The following TEAD2 variants were observed in gnomAD, a reference collection of about 807,000 sequenced individuals.
The protein encoded by TEAD2 is TEA domain transcription factor 2, also known as transcriptional enhancer factor TEF-4.
In TEAD2, 51 loss-of-function variants were observed where a neutral mutation model predicts 61.4. The observed-to-expected ratio is 0.83, with a 90% CI of 0.66 to 1.05. The LOEUF (loss-of-function observed/expected upper bound fraction) is 1.05. Among genes scored for constraint, TEAD2 ranks in the 50% least tolerant of loss-of-function variants. The pLI is 0.00. For missense variants in TEAD2, 509 were observed against 600.0 expected (o/e 0.85, Z 1.58); for synonymous variants, 244 against 243.2 (o/e 1.00, Z -0.03).
chr19:49,348,674 C>T, intron 9 of TEAD2, 29 bp downstream of exon 9: 2 of 1,599,676 alleles, frequency 1.3e-6, no homozygotes, highest in Non-Finnish European at 1.7e-6. Context: ...TTCAAAATCC[C>T]TCAGCGACTG....
intron 1 of TEAD2, among the ~76,000 whole-genome samples, chr19:49,360,762 CAGAGACCCAGAGAGGGGAT>C (rs766087196): frequency 0.017 from 1,204 of 70,198 alleles, 31 homozygotes; most frequent in Non-Finnish European, 0.024. Context: ...GGGAGGGGGA[CAGAGACCCAGAGAGGGGAT>C]GGGGACAGAG....
At chr19:49,346,648 A>G (rs1568562793) in intron 10 of TEAD2, among the ~76,000 whole-genome samples, 2 of 152,136 alleles carry the variant, frequency 1.3e-5, no homozygotes, top group African/African-American at 4.8e-5. Context: ...CAGTGAGACT[A>G]TGTCTCAAAA....
chr19:49,354,231 C>T (rs1001201757), intron 7 of TEAD2, among the ~76,000 whole-genome samples: 19 of 151,036 alleles, frequency 1.3e-4, no homozygotes, highest in African/African-American at 2.4e-4. Flanking sequence ...TAGCCCGCCA[C>T]GGTGGCTCAC....
intron 10 of TEAD2, among the ~76,000 whole-genome samples, chr19:49,346,689 G>A (rs1373114687): frequency 6.6e-6 from 1 of 152,046 alleles, no homozygotes; most frequent in Non-Finnish European, 1.5e-5. Context: ...ATGAATACAG[G>A]ACTTGGCAAA....
chr19:49,347,403 C>T (rs1447826058), intron 9 of TEAD2, 40 bp from the exon 10 acceptor site: 2 of 1,592,266 alleles, frequency 1.3e-6, no homozygotes, highest in Non-Finnish European at 1.7e-6. Context: ...CGGAGGTGAG[C>T]TGGATCTCCA....
chr19:49,358,672 C>T (rs370605087), intron 3 of TEAD2, among the ~76,000 whole-genome samples: 24 of 148,852 alleles, frequency 1.6e-4, no homozygotes, highest in Admixed American at 1.1e-3. Context: ...CTGGCTCTGT[C>T]ACCAGGCTGG....
Position 49,359,852 on chromosome 19 carries a change from T to C in TEAD2, c.224A>G (p.Lys75Arg), listed in dbSNP as rs1004682724. The change falls in exon 2 of 13, where the codon AAG (lysine) becomes AGG (arginine). Residue 75 changes from lysine (K) to arginine (R), a missense_variant. By Grantham distance (26) the Lys-to-Arg change is conservative. Coordinates refer to ENST00000593945, the MANE Select transcript of TEAD2 (RefSeq NM_001256660.2). The surrounding 1 kb of genome is among the most constrained non-coding windows in gnomAD (Gnocchi z 4.1). The part of the protein sequence containing the change: ...RRKIILSDEG[K>R]MYGRNELIAR... ...GACAGAAGTAGACTCACCATACATCTTGCCTTCATCAGACAAAATTATTTT... is the reference window on the plus strand; with the variant it reads ...GACAGAAGTAGACTCACCATACATCCTGCCTTCATCAGACAAAATTATTTT... 12 of 1,613,616 alleles carry C rather than the reference T, an allele frequency of 7.4e-6. No homozygotes were observed. The highest frequency in any genetic ancestry group is 1.0e-5 in the Non-Finnish European group (12 of 1,180,002).
chr19:49,341,217 C>T lies in TEAD2; in HGVS notation c.*107G>A, dbSNP rs1052372057. The T allele has an allele frequency of 9.9e-7, 1 of 1,006,596 alleles. No individual in the cohort carries two copies. Among genetic ancestry groups the T allele is most frequent in the Non-Finnish European group, 1.5e-6 (1 of 657,212 alleles). 62.4% of individuals were successfully genotyped at this position (1,006,596 alleles called of 1,614,324 possible). Reference sequence around the variant, plus strand: ...AGTTGCTTAGGCCTCTGAGGTCAACCCCTTTACATCACAGCCCTCTCCCCA... The same window carrying T: ...AGTTGCTTAGGCCTCTGAGGTCAACTCCTTTACATCACAGCCCTCTCCCCA... On this transcript the variant is annotated 3_prime_UTR_variant, in exon 13 of 13. Transcript: ENST00000593945. The surrounding 1 kb of genome is among the most constrained non-coding windows in gnomAD (Gnocchi z 4.2).
rs531059691 is a variant in TEAD2 at position 49,355,548 on chromosome 19, C to T, written c.373-129G>A. 4.9e-5 allele frequency: 37 copies of T among 750,136 alleles called. No homozygotes were observed. The South Asian group carries it at 5.4e-4, about 11-fold the overall frequency. The allele number at this position is 750,136 out of a possible 1,614,324, so 46.5% of individuals were successfully genotyped here. A position where few individuals can be genotyped will look rare whatever the true frequency, so the allele number is the denominator to read the frequency against. On this transcript the variant is annotated intron_variant, in intron 5 of 12. Coordinates refer to ENST00000593945, the MANE Select transcript of TEAD2 (RefSeq NM_001256660.2). ...GGAGTCAAGGCAAAGGGTTAGTGGC[C>T]GGGCATGGTGGCTCACGCCTGTAAT...
chr19:49,351,382 G>A lies in TEAD2; in HGVS notation c.540-17C>T, dbSNP rs1160179252. ...GGCTTCACACTGAGGGAAAAAGGAAGCCAGGGGTTAGCCAGGTAGAAAGAT... is the reference window on the plus strand; with the variant it reads ...GGCTTCACACTGAGGGAAAAAGGAAACCAGGGGTTAGCCAGGTAGAAAGAT... On this transcript the variant is annotated splice_polypyrimidine_tract_variant and intron_variant, in intron 7 of 12. Coordinates refer to ENST00000593945, the MANE Select transcript of TEAD2 (RefSeq NM_001256660.2). 2 of 1,603,858 alleles carry A rather than the reference G, an allele frequency of 1.2e-6. No individual in the cohort carries two copies. Among genetic ancestry groups the A allele is most frequent in the South Asian group, 2.2e-5 (2 of 88,920 alleles).
Position 49,359,039 on chromosome 19 carries a change from G to C in TEAD2, c.297+396C>G, listed in dbSNP as rs1972611751. Among the ~76,000 whole-genome samples, 1 of 151,268 alleles carries C rather than the reference G, an allele frequency of 6.6e-6. No individual in the cohort carries two copies. The highest frequency in any genetic ancestry group is 2.4e-5 in the African/African-American group (1 of 41,228). Reference sequence around the variant, plus strand: ...GGATCACCTGAGGTCAGGAGTTCGAGACCAGCCTGGACAACATGGTGAAAC... The same window carrying C: ...GGATCACCTGAGGTCAGGAGTTCGACACCAGCCTGGACAACATGGTGAAAC... On this transcript the variant is annotated intron_variant, in intron 3 of 12. Transcript: ENST00000593945. The surrounding 1 kb of genome is among the most constrained non-coding windows in gnomAD (Gnocchi z 4.1).
At chr19:49,345,286 C>CTTCCT (rs1430840005) in intron 10 of TEAD2, among the ~76,000 whole-genome samples, 5 of 151,596 alleles carry the variant, frequency 3.3e-5, no homozygotes, top group Admixed American at 2.0e-4. Context: ...CAGGCCTTTC[C>CTTCCT]TTCCTTTCCT....
chr19:49,342,397 C>T (rs763478327), intron 12 of TEAD2, 41 bp downstream of exon 12: 2 of 1,605,570 alleles, frequency 1.2e-6, no homozygotes, highest in Admixed American at 3.3e-5. Context: ...ACTGTCCCTC[C>T]ACACTGGGGG....
At chr19:49,357,995 G>A (rs12983800) in intron 3 of TEAD2, among the ~76,000 whole-genome samples, 40,306 of 152,090 alleles carry the variant, frequency 0.27, 5,601 homozygotes, top group South Asian at 0.45. Flanking sequence ...CACTTTGGGA[G>A]GCCGAGGCGG....
chr19:49,355,354 G>A lies in TEAD2; in HGVS notation c.438C>T (p.Ser146=), dbSNP rs752425825. The A allele has an allele frequency of 4.6e-5, 75 of 1,614,106 alleles. No homozygotes were observed. Among genetic ancestry groups the A allele is most frequent in the Admixed American group, 2.7e-4 (16 of 59,998 alleles). ...MATMSSAQLI[S]APSLQAKLGP... Reference sequence around the variant, plus strand: ...CCAGTTTGGCCTGCAGAGAAGGCGCGGAGATGAGCTGGGCAGAGGACATGG... The same window carrying A: ...CCAGTTTGGCCTGCAGAGAAGGCGCAGAGATGAGCTGGGCAGAGGACATGG... The change falls in exon 6 of 13, where the codon TCC becomes TCT. Residue 146 remains serine (S), a synonymous_variant. Transcript: ENST00000593945.
rs151256802 is a variant in TEAD2, at chr19:49,351,669, A to G, written c.540-304T>C. On this transcript the variant is annotated intron_variant, in intron 7 of 12. Coordinates refer to ENST00000593945, the MANE Select transcript of TEAD2 (RefSeq NM_001256660.2). ...AGGCTCTTGATGATGACATTTTGGTATCTCTCACAAAATGTCAGAAAGAGA... is the reference window on the plus strand; with the variant it reads ...AGGCTCTTGATGATGACATTTTGGTGTCTCTCACAAAATGTCAGAAAGAGA... 7.9e-4 allele frequency among the ~76,000 whole-genome samples: 120 copies of G among 152,152 alleles called. No homozygotes were observed. In the South Asian group the frequency reaches 0.013, roughly 17 times the overall value.
chr19:49,360,618 G>A (rs1568584366), intron 1 of TEAD2, among the ~76,000 whole-genome samples: 1 of 152,084 alleles, frequency 6.6e-6, no homozygotes, highest in South Asian at 2.1e-4. Context: ...GGTGGGGAAG[G>A]AAGGTGTGGG....
At chr19:49,342,692 C>T in intron 11 of TEAD2, 102 bp from the exon 12 acceptor site, 1 of 1,423,726 alleles carries the variant, frequency 7.0e-7, no homozygotes, top group Non-Finnish European at 9.7e-7. Context: ...CCACCACACT[C>T]ACTCTCACTG....
rs562520828 is a variant in TEAD2, at chr19:49,347,319, G to A, written c.792C>T (p.Ser264=). The A allele has an allele frequency of 1.2e-6, 2 of 1,613,000 alleles. No individual in the cohort carries two copies. The highest frequency in any genetic ancestry group is 1.7e-5 in the Admixed American group (1 of 60,018). ...LFVHISQHCP[S]PGAPPLESVD... ...CACTCTCGAGCGGCGGCGCTCCGGG[G>A]CTGGGGCAGTGCTGGCTGATGTGCA... is the stretch of plus-strand genomic sequence containing the variant. The change falls in exon 10 of 13, where the codon AGC becomes AGT. Residue 264 remains serine, a synonymous_variant. Coordinates refer to ENST00000593945, the MANE Select transcript of TEAD2 (RefSeq NM_001256660.2).
Sources: gnomAD v4.1 joint callset for allele counts (sites outside exome capture counted in the v4.1 genomes callset) on GRCh38, gnomAD v4.1.1 for gene constraint, Gnocchi (gnomAD v3.1) non-coding constraint, MANE v1.5 for transcripts, NCBI Gene and HGNC (gene_info 2026-07-23, HGNC 2026-07-21) for gene names.